Variants in EPRS1 observed in about 807,000 individuals in gnomAD.
EPRS1 encodes the protein bifunctional glutamate/proline--tRNA ligase.
In EPRS1, 107 loss-of-function variants were observed where a neutral mutation model predicts 188.3. That is an observed-to-expected ratio of 0.57 (90% CI 0.49 to 0.67). The LOEUF is 0.67. Among genes scored for constraint, EPRS1 ranks in the 30% least tolerant of loss-of-function variants. EPRS1 has a pLI of 0.00. For synonymous variants in EPRS1, 596 were observed against 593.1 expected, an observed-to-expected ratio of 1.00 and a Z score of -0.07; for missense variants, 1,577 against 1,802.2, an observed-to-expected ratio of 0.88 and a Z score of 2.26.
rs59927710 is a variant in EPRS1, at chr1:219,978,501, CAAATTGCAGATGTT to C, written c.4083+31_4083+44del. The C allele has an allele frequency of 1.7e-3, 2,406 of 1,430,846 alleles. 23 individuals are homozygous for C. In the African/African-American group the frequency reaches 0.031, roughly 18 times the overall value. The allele number at this position is 1,430,846 out of a possible 1,614,324, so 88.6% of individuals were successfully genotyped here. A position where few individuals can be genotyped will look rare whatever the true frequency, so the allele number is the denominator to read the frequency against. ...AAACATGCAGAGGAAAATCTAAACT[CAAATTGCAGATGTT>C]GGGGGTAAAAGATAAAGCTTAGGAA... On this transcript the variant is annotated intron_variant, in intron 28 of 31. Coordinates refer to ENST00000366923, the MANE Select transcript of EPRS1 (RefSeq NM_004446.3).
chr1:219,975,854 G>A (rs1015077779), intron 28 of EPRS1, among the ~76,000 whole-genome samples: 2 of 152,114 alleles, frequency 1.3e-5, no homozygotes, highest in Non-Finnish European at 2.9e-5. Context: ...ATGTGTGTAT[G>A]GATATCTACA....
intron 11 of EPRS1, among the ~76,000 whole-genome samples, chr1:220,018,710 C>A (rs1431100470): frequency 6.6e-6 from 1 of 151,712 alleles, no homozygotes; most frequent in African/African-American, 2.4e-5. Context: ...AGTCTACAGA[C>A]TGCTCACAGT....
At chr1:220,028,136 G>A (rs1318209105) in intron 6 of EPRS1, among the ~76,000 whole-genome samples, 1 of 151,996 alleles carries the variant, frequency 6.6e-6, no homozygotes, top group African/African-American at 2.4e-5. Context: ...AAAACTAAAT[G>A]AAGGGCCATA....
intron 16 of EPRS1, among the ~76,000 whole-genome samples, chr1:220,001,815 G>A (rs1483870805): frequency 6.6e-6 from 1 of 152,110 alleles, no homozygotes; most frequent in Non-Finnish European, 1.5e-5. Context: ...GATTGCCTGA[G>A]TTCAGGAGTT....
chr1:220,018,389 A>C, intron 12 of EPRS1, 60 bp downstream of exon 12: 1 of 1,288,328 alleles, frequency 7.8e-7, no homozygotes, highest in South Asian at 1.2e-5. Flanking sequence ...AATGACTTCT[A>C]CTTGTACATT....
At chr1:220,008,223 C>T (rs892631437) in intron 13 of EPRS1, among the ~76,000 whole-genome samples, 15 of 151,670 alleles carry the variant, frequency 9.9e-5, no homozygotes, top group African/African-American at 1.5e-4. Flanking sequence ...ACAACAGATG[C>T]CACCTTAGCA....
chr1:220,029,531 G>A (rs1662048116), intron 6 of EPRS1, among the ~76,000 whole-genome samples: 6 of 152,194 alleles, frequency 3.9e-5, no homozygotes, highest in Admixed American at 3.9e-4. Context: ...CTATAGAAAG[G>A]TGAGAACTTC....
chr1:220,025,114 C>T lies in EPRS1; in HGVS notation c.750+18G>A. 1 of 1,608,764 alleles carries T rather than the reference C, an allele frequency of 6.2e-7. No homozygotes were observed. Among genetic ancestry groups the T allele is most frequent in the East Asian group, 2.2e-5 (1 of 44,726 alleles). ...ATTCACTTTTCTGGCAAAGGGTCATCACTACACTTTTAATTACCTTCTCAA... is the reference window on the plus strand; with the variant it reads ...ATTCACTTTTCTGGCAAAGGGTCATTACTACACTTTTAATTACCTTCTCAA... On this transcript the variant is annotated intron_variant, in intron 7 of 31. Transcript: ENST00000366923.
At chr1:220,035,341 G>A (rs561563423) in intron 2 of EPRS1, among the ~76,000 whole-genome samples, 6 of 151,872 alleles carry the variant, frequency 4.0e-5, no homozygotes, top group African/African-American at 1.5e-4. Flanking sequence ...TAGTAGAGAC[G>A]GGGTTTCACA....
intron 23 of EPRS1, 48 bp from the exon 24 acceptor site, chr1:219,981,505 CCTTTAGGG>C: frequency 8.3e-7 from 1 of 1,200,414 alleles, no homozygotes; most frequent in Non-Finnish European, 1.2e-6. Flanking sequence ...CTTTATTTCT[CCTTTAGGG>C]ATGTAACAGC....
chr1:219,977,250 G>A (rs139432044), intron 28 of EPRS1, among the ~76,000 whole-genome samples: 96 of 152,128 alleles, frequency 6.3e-4, no homozygotes, highest in South Asian at 4.4e-3. Context: ...TCTTTAACTT[G>A]AGGCGTCAAG....
At chr1:219,990,200 ACT>A (rs1026487940) in intron 18 of EPRS1, among the ~76,000 whole-genome samples, 9 of 151,644 alleles carry the variant, frequency 5.9e-5, no homozygotes, top group Admixed American at 2.6e-4. Context: ...TGAGCAAACC[ACT>A]CTGTTATTCA....
At chr1:219,999,883 A>G (rs2647446) in intron 17 of EPRS1, among the ~76,000 whole-genome samples, 121,982 of 152,108 alleles carry the variant, frequency 0.8, 49,080 homozygotes, top group East Asian at 0.93. Flanking sequence ...GGCTGAGGCA[A>G]GAAAATCGCT....
Position 220,040,165 on chromosome 1 carries a change from A to T in EPRS1, c.131+20T>A, listed in dbSNP as rs748226523. On this transcript the variant is annotated intron_variant, in intron 2 of 31. Coordinates refer to ENST00000366923, the MANE Select transcript of EPRS1 (RefSeq NM_004446.3). ...GAAAAAGCCAATCAGTACTGAAAAT[A>T]AAAAGATGAAAACACTTACTCAGAA... 1 of 1,504,548 alleles carries T rather than the reference A, an allele frequency of 6.6e-7. No homozygotes were observed. Among genetic ancestry groups the T allele is most frequent in the Admixed American group, 1.8e-5 (1 of 54,378 alleles). The allele number at this position is 1,504,548 out of a possible 1,614,324, so 93.2% of individuals were successfully genotyped here. A position where few individuals can be genotyped will look rare whatever the true frequency, so the allele number is the denominator to read the frequency against.
intron 1 of EPRS1, among the ~76,000 whole-genome samples, chr1:220,044,907 A>G (rs964884236): frequency 2.6e-5 from 4 of 152,110 alleles, no homozygotes; most frequent in African/African-American, 7.2e-5. Flanking sequence ...TTTGCTCTCA[A>G]TCATGAAGGC....
At chr1:219,986,892 G>C (rs1661016726) in intron 20 of EPRS1, among the ~76,000 whole-genome samples, 1 of 152,112 alleles carries the variant, frequency 6.6e-6, no homozygotes, top group Non-Finnish European at 1.5e-5. Context: ...GATTACGGTG[G>C]TGGGGAAAAC....
At chr1:220,033,240 T>C (rs1019900840) in intron 4 of EPRS1, among the ~76,000 whole-genome samples, 1 of 152,002 alleles carries the variant, frequency 6.6e-6, no homozygotes, top group African/African-American at 2.4e-5. Flanking sequence ...TTATCAGGAA[T>C]AAGATCAGCT....
intron 27 of EPRS1, among the ~76,000 whole-genome samples, chr1:219,979,215 C>T (rs1205502690): frequency 1.4e-4 from 22 of 152,174 alleles, no homozygotes; most frequent in Admixed American, 1.2e-3. Flanking sequence ...ATATAAGTAG[C>T]TTAAAAATTA....
intron 24 of EPRS1, 112 bp downstream of exon 24, chr1:219,981,265 CA>C: frequency 1.6e-6 from 1 of 614,834 alleles, no homozygotes; most frequent in Non-Finnish European, 2.7e-6. Context: ...TTAAATACTT[CA>C]AAAACAGTTC....
Sources: gnomAD v4.1 joint callset for allele counts (sites outside exome capture counted in the v4.1 genomes callset) on GRCh38, gnomAD v4.1.1 for gene constraint, MANE v1.5 for transcripts, NCBI Gene and HGNC (gene_info 2026-07-23, HGNC 2026-07-21) for gene names.